SLC25A21: variants seen among roughly 807,000 people sequenced by gnomAD.
The protein encoded by SLC25A21 is solute carrier family 25 member 21.
A neutral mutation model predicts 43.8 loss-of-function variants in SLC25A21; 47 were observed. That is an observed-to-expected ratio of 1.07 (90% CI 0.85 to 1.37). SLC25A21 has a LOEUF of 1.37. Ranked by LOEUF, SLC25A21 falls within the 40% of genes most tolerant of loss-of-function variation. SLC25A21 has a pLI of 0.00. For missense variants in SLC25A21, 352 were observed against 350.2 expected, an observed-to-expected ratio of 1.00 and a Z score of -0.04; for synonymous variants, 131 against 121.3, an observed-to-expected ratio of 1.08 and a Z score of -0.52.
chr14:36,912,868 A>G (rs374185359), intron 1 of SLC25A21, among the ~76,000 whole-genome samples: 1 of 152,154 alleles, frequency 6.6e-6, no homozygotes, highest in African/African-American at 2.4e-5. Context: ...CTAACTTTCC[A>G]GGCTCTCCCA....
chr14:36,848,588 T>C (rs1889622200), intron 2 of SLC25A21, among the ~76,000 whole-genome samples: 1 of 152,184 alleles, frequency 6.6e-6, no homozygotes, highest in African/African-American at 2.4e-5. Context: ...CAGGGTCTCA[T>C]CTACTCTCGG....
At chr14:36,860,268 C>T (rs1465235869) in intron 2 of SLC25A21, among the ~76,000 whole-genome samples, 1 of 152,054 alleles carries the variant, frequency 6.6e-6, no homozygotes, top group Non-Finnish European at 1.5e-5. Context: ...AAAAGGGATT[C>T]CAAGAACACA....
At chr14:37,045,891 T>C (rs571181895) in intron 1 of SLC25A21, among the ~76,000 whole-genome samples, 106 of 152,356 alleles carry the variant, frequency 7.0e-4, no homozygotes, top group Non-Finnish European at 1.2e-3. Flanking sequence ...CTTGGGAATA[T>C]GCTAAGCATG....
At chr14:36,703,268 T>C (rs1883360224) in intron 7 of SLC25A21, among the ~76,000 whole-genome samples, 1 of 152,218 alleles carries the variant, frequency 6.6e-6, no homozygotes, top group South Asian at 2.1e-4. Flanking sequence ...GGTGCATTTT[T>C]CATTCAGCTC....
intron 1 of SLC25A21, among the ~76,000 whole-genome samples, chr14:37,090,116 G>A (rs964222695): frequency 2.0e-5 from 3 of 152,132 alleles, no homozygotes; most frequent in Non-Finnish European, 4.4e-5. Context: ...CTAACAAACA[G>A]ATCACTGAGC....
At chr14:36,764,190 AAG>A (rs113712610) in intron 3 of SLC25A21, among the ~76,000 whole-genome samples, 16,926 of 69,438 alleles carry the variant, frequency 0.24, 2,830 homozygotes, top group East Asian at 0.39. Context: ...GAAAGAAAGA[AAG>A]AGAAAGAAAG....
chr14:37,126,989 C>T (rs1048767903), intron 1 of SLC25A21, among the ~76,000 whole-genome samples: 1 of 152,192 alleles, frequency 6.6e-6, no homozygotes, highest in Non-Finnish European at 1.5e-5. Context: ...CTTGAAAATA[C>T]TGAAATCTAT....
At chr14:37,104,925 T>C (rs773110353) in intron 1 of SLC25A21, among the ~76,000 whole-genome samples, 4 of 152,236 alleles carry the variant, frequency 2.6e-5, no homozygotes, top group Non-Finnish European at 1.5e-5. Flanking sequence ...CAGATCTGTA[T>C]TTGTTCAATG....
intron 1 of SLC25A21, among the ~76,000 whole-genome samples, chr14:36,966,100 C>A (rs868633441): frequency 6.7e-4 from 102 of 152,258 alleles, no homozygotes; most frequent in African/African-American, 2.4e-3. Flanking sequence ...GTAAGAAACA[C>A]ACAGTGGAAA....
rs796591713 is a variant in SLC25A21 at position 36,901,057 on chromosome 14, G to GA, written c.71-26054dup. 3.3e-3 allele frequency among the ~76,000 whole-genome samples: 496 copies of GA among 151,000 alleles called. 4 individuals carry two copies. The highest frequency in any genetic ancestry group is 0.011 in the African/African-American group (460 of 41,200). On this transcript the variant is annotated intron_variant, in intron 1 of 9. Coordinates refer to ENST00000331299, the MANE Select transcript of SLC25A21 (RefSeq NM_030631.4). ...AGCTGTGTGCAAACATTGCCTCATG[G>GA]AAAAAAAAATCTAAGACATTAGGTC... is the stretch of plus-strand genomic sequence containing the variant.
intron 5 of SLC25A21, among the ~76,000 whole-genome samples, chr14:36,727,932 G>A (rs1267311707): frequency 6.6e-6 from 1 of 152,084 alleles, no homozygotes; most frequent in Non-Finnish European, 1.5e-5. Context: ...AAATCCAGAT[G>A]TCCAGGTTTT....
At position 37,023,782 on chromosome 14, in the gene SLC25A21, A is replaced by T. The variant is rs544771876; in HGVS notation, c.70+148499T>A. On this transcript the variant is annotated intron_variant, in intron 1 of 9. Transcript: ENST00000331299. ...TCTCTCATGTGTGCTCTCACAGAACACTGTCTCCCCACCGCCATCTGCCTC... is the reference window on the plus strand; with the variant it reads ...TCTCTCATGTGTGCTCTCACAGAACTCTGTCTCCCCACCGCCATCTGCCTC... Among the ~76,000 whole-genome samples, 16 of 152,024 alleles carry T rather than the reference A, an allele frequency of 1.1e-4. No individual in the cohort carries two copies. In the South Asian group the frequency reaches 3.3e-3, roughly 32 times the overall value.
At chr14:37,012,962 C>T (rs1453716755) in intron 1 of SLC25A21, among the ~76,000 whole-genome samples, 5 of 152,188 alleles carry the variant, frequency 3.3e-5, no homozygotes, top group African/African-American at 7.2e-5. Context: ...ACTTAGAATT[C>T]GGAGAGCATG....
rs540704550 is a variant in SLC25A21 at position 37,061,388 on chromosome 14, C to T, written c.70+110893G>A. ...TTCTTGTAATGACTCTACCTTGTCTCATTTATTTTCTTCATGGCAACAGAG... is the reference window on the plus strand; with the variant it reads ...TTCTTGTAATGACTCTACCTTGTCTTATTTATTTTCTTCATGGCAACAGAG... On this transcript the variant is annotated intron_variant, in intron 1 of 9. Transcript: ENST00000331299. Among the ~76,000 whole-genome samples, 5 of 152,266 alleles carry T rather than the reference C, an allele frequency of 3.3e-5. No individual in the cohort carries two copies. The East Asian group carries it at 7.7e-4, about 24-fold the overall frequency.
chr14:36,885,906 G>T (rs925819393), intron 1 of SLC25A21, among the ~76,000 whole-genome samples: 4 of 152,018 alleles, frequency 2.6e-5, no homozygotes, highest in African/African-American at 9.7e-5. Flanking sequence ...TGATGTTTTC[G>T]AATTAAATCC....
rs149770484 is a variant in SLC25A21, at chr14:36,822,845, A to G, written c.120-8844T>C. Among the ~76,000 whole-genome samples, 229 of 152,344 alleles carry G rather than the reference A, an allele frequency of 1.5e-3. 5 individuals carry two copies. In the East Asian group the frequency reaches 0.019, roughly 13 times the overall value. ...TTAAAGACTGATATTTTGTGTCTGT[A>G]CACTTTACAATTCAGTCTTACAGTA... is the stretch of plus-strand genomic sequence containing the variant. On this transcript the variant is annotated intron_variant, in intron 2 of 9. Coordinates refer to ENST00000331299, the MANE Select transcript of SLC25A21 (RefSeq NM_030631.4).
At chr14:37,097,656 GTGGATCGCCTGAGGTCAGGAGT>G (rs999434591) in intron 1 of SLC25A21, among the ~76,000 whole-genome samples, 2 of 152,114 alleles carry the variant, frequency 1.3e-5, no homozygotes, top group African/African-American at 4.8e-5. Context: ...GTCAAGGCAG[GTGGATCGCCTGAGGTCAGGAGT>G]TGGAGACTAG....
intron 1 of SLC25A21, among the ~76,000 whole-genome samples, chr14:37,147,991 C>T (rs1963697534): frequency 6.6e-6 from 1 of 151,850 alleles, no homozygotes; most frequent in East Asian, 1.9e-4. Flanking sequence ...GCACTCACCA[C>T]CACACCTGGC....
intron 3 of SLC25A21, among the ~76,000 whole-genome samples, 158 bp downstream of exon 3, chr14:36,813,760 C>G (rs1272656462): frequency 6.6e-6 from 1 of 151,996 alleles, no homozygotes; most frequent in Non-Finnish European, 1.5e-5. Context: ...ATATATATAT[C>G]CAGTTTTCAA....
Sources: allele counts gnomAD v4.1 joint callset (sites outside exome capture counted in the v4.1 genomes callset), GRCh38; gene constraint gnomAD v4.1.1; transcripts MANE v1.5; gene names NCBI Gene and HGNC (gene_info 2026-07-23, HGNC 2026-07-21).